The following CTBP2 variants were observed in gnomAD, a reference collection of about 807,000 sequenced individuals.
CTBP2 encodes C-terminal binding protein 2.
A neutral mutation model predicts 80.3 loss-of-function variants in CTBP2; 30 were observed. The ratio of observed to expected loss-of-function variants is 0.37; its 90% confidence interval spans 0.28 to 0.51. The LOEUF is 0.51. CTBP2 is among the 20% of genes least tolerant of loss of function. The probability of loss-of-function intolerance (pLI) is 0.93; values close to 1 mark genes in which losing one functional copy is unlikely to be tolerated. For synonymous variants in CTBP2, 594 were observed against 587.4 expected (o/e 1.01, Z -0.16); for missense variants, 1,212 against 1,375.3 (o/e 0.88, Z 1.88).
chr10:125,048,390 G>A (rs1428689432), intron 2 of CTBP2, among the ~76,000 whole-genome samples: 1 of 152,200 alleles, frequency 6.6e-6, no homozygotes, highest in Non-Finnish European at 1.5e-5. Context: ...GGGAAGGCCT[G>A]GGCCCATGGA....
At chr10:125,082,822 C>G (rs1356638846) in intron 2 of CTBP2, among the ~76,000 whole-genome samples, 1 of 152,146 alleles carries the variant, frequency 6.6e-6, no homozygotes, top group East Asian at 1.9e-4. Context: ...TGCCAGACCT[C>G]AAATGATCCG....
At position 124,994,535 on chromosome 10, in the gene CTBP2, G is replaced by A. The variant is rs1194324686; in HGVS notation, c.2334C>T (p.Cys778=). The change falls in exon 5 of 9, where the codon TGC becomes TGT. Residue 778 remains cysteine (C), a synonymous_variant. Coordinates refer to ENST00000309035, the MANE Select transcript of CTBP2 (RefSeq NM_022802.3). ...CGTTGAGATTGCAGTGCAAGGAGAC[G>A]CAGTCGCTCTGATACAGCAAATCCT... 3.7e-6 allele frequency: 6 copies of A among 1,614,008 alleles called. No homozygotes were observed. The highest frequency in any genetic ancestry group is 1.7e-5 in the Admixed American group (1 of 60,022).
chr10:125,012,571 C>T (rs1956052907), intron 1 of CTBP2, among the ~76,000 whole-genome samples: 1 of 152,238 alleles, frequency 6.6e-6, no homozygotes, highest in Non-Finnish European at 1.5e-5. Flanking sequence ...GCATACCCCA[C>T]TCGTGTGGCC....
chr10:125,050,927 C>T lies in CTBP2; in HGVS notation c.-101-11772G>A, dbSNP rs1382414193. On this transcript the variant is annotated intron_variant, in intron 2 of 10. Coordinates refer to the CTBP2 transcript ENST00000337195. ...CACAGGCCTCCTGCACCAAAGTCCT[C>T]TGGAGAGGGAGACATCTGGATGAGG... Among the ~76,000 whole-genome samples, 5 of 152,172 alleles carry T rather than the reference C, an allele frequency of 3.3e-5. No homozygotes were observed. In the East Asian group the frequency reaches 5.8e-4, roughly 18 times the overall value.
At chr10:125,007,146 C>T (rs1955352726) in intron 1 of CTBP2, among the ~76,000 whole-genome samples, 1 of 152,370 alleles carries the variant, frequency 6.6e-6, no homozygotes, top group East Asian at 1.9e-4. Context: ...CAGGACAATT[C>T]CAGCTGCAAC....
upstream of CTBP2, among the ~76,000 whole-genome samples, chr10:125,029,580 C>T (rs1015776537): frequency 1.3e-5 from 2 of 152,170 alleles, no homozygotes; most frequent in Admixed American, 1.3e-4. Context: ...GATTAAGCCA[C>T]CTTGCCAATT....
At chr10:125,016,826 C>T (rs1456659883) in intron 1 of CTBP2, among the ~76,000 whole-genome samples, 1 of 152,234 alleles carries the variant, frequency 6.6e-6, no homozygotes, top group Non-Finnish European at 1.5e-5. Context: ...AGGCTCAGAG[C>T]CCAGTTTACA....
chr10:125,002,870 T>G, intron 3 of CTBP2, 90 bp downstream of exon 5: 1 of 1,513,308 alleles, frequency 6.6e-7, no homozygotes, highest in Non-Finnish European at 9.0e-7. Flanking sequence ...TGCTCCGTGG[T>G]CCCAGTTCCA....
intron 1 of CTBP2, among the ~76,000 whole-genome samples, chr10:125,150,639 C>T (rs935266776): frequency 2.0e-5 from 3 of 151,722 alleles, no homozygotes; most frequent in Admixed American, 6.6e-5. Context: ...CAGTGACTAA[C>T]TATCACCTGT....
At chr10:125,137,200 A>C (rs999001622) in intron 1 of CTBP2, among the ~76,000 whole-genome samples, 1 of 152,258 alleles carries the variant, frequency 6.6e-6, no homozygotes, top group Non-Finnish European at 1.5e-5. Context: ...AAATCAAGAC[A>C]ACAGGAAGAA....
intron 3 of CTBP2, 131 bp downstream of exon 3, chr10:125,038,866 G>T (rs1959155096): frequency 4.6e-6 from 4 of 871,398 alleles, no homozygotes; most frequent in Admixed American, 2.3e-5. Flanking sequence ...GGGTGCCAAT[G>T]GTATGCAGTG....
intron 2 of CTBP2, among the ~76,000 whole-genome samples, chr10:125,098,443 G>T (rs909589285): frequency 1.3e-5 from 2 of 152,066 alleles, no homozygotes; most frequent in Non-Finnish European, 2.9e-5. Context: ...TGGTATATGC[G>T]TGGTCCGTAA....
chr10:125,095,215 A>C (rs1290175530), intron 2 of CTBP2, among the ~76,000 whole-genome samples: 3 of 152,178 alleles, frequency 2.0e-5, no homozygotes, highest in Admixed American at 2.0e-4. Flanking sequence ...TCTTGGAAAA[A>C]ATGAATCCCT....
intron 2 of CTBP2, among the ~76,000 whole-genome samples, chr10:125,103,601 C>T (rs574486841): frequency 1.3e-5 from 2 of 152,252 alleles, no homozygotes; most frequent in South Asian, 4.1e-4. Context: ...GAAAGCCAAC[C>T]CCAGGAGGTA....
chr10:125,158,146 A>G (rs1861264210), intron 1 of CTBP2, among the ~76,000 whole-genome samples: 1 of 152,120 alleles, frequency 6.6e-6, no homozygotes, highest in African/African-American at 2.4e-5. Context: ...TTCAAAATAG[A>G]AAAGATTTAT....
At chr10:125,154,687 G>A in intron 1 of CTBP2, among the ~76,000 whole-genome samples, 1 of 152,162 alleles carries the variant, frequency 6.6e-6, no homozygotes, top group East Asian at 1.9e-4. Context: ...ACCAACAATG[G>A]TTAATGATCT....
chr10:125,061,284 C>T (rs1385338887), intron 2 of CTBP2, among the ~76,000 whole-genome samples: 1 of 152,216 alleles, frequency 6.6e-6, no homozygotes, highest in Non-Finnish European at 1.5e-5. Flanking sequence ...AGTGGAACGG[C>T]CCCCTCTGGT....
chr10:125,051,365 C>G (rs139432319), intron 2 of CTBP2, among the ~76,000 whole-genome samples: 5 of 152,306 alleles, frequency 3.3e-5, no homozygotes, highest in African/African-American at 9.6e-5. Flanking sequence ...TCAGGCCAGG[C>G]ATGGTGGCTC....
At chr10:125,007,084 C>T (rs1040878108) in intron 1 of CTBP2, among the ~76,000 whole-genome samples, 10 of 152,204 alleles carry the variant, frequency 6.6e-5, no homozygotes, top group African/African-American at 1.4e-4. Context: ...GCCCTCTATG[C>T]GCTATTTTTC....
Sources: allele counts gnomAD v4.1 joint callset (sites outside exome capture counted in the v4.1 genomes callset), GRCh38; gene constraint gnomAD v4.1.1; transcripts MANE v1.5; gene names NCBI Gene and HGNC (gene_info 2026-07-23, HGNC 2026-07-21).